VAC14: variants seen among roughly 807,000 people sequenced by gnomAD.
VAC14 encodes the protein protein VAC14 homolog.
Under a neutral mutation model 85.3 loss-of-function variants are expected in VAC14, and 47 were observed. That is an observed-to-expected ratio of 0.55 (90% confidence interval 0.44 to 0.70). VAC14 has a LOEUF of 0.70. Ranked by LOEUF, VAC14 falls within the 30% of genes least tolerant of loss-of-function variation. VAC14 has a pLI of 0.00. For synonymous variants in VAC14, 447 were observed against 430.5 expected, an observed-to-expected ratio of 1.04 and a Z score of -0.47; for missense variants, 861 against 1,004.3, an observed-to-expected ratio of 0.86 and a Z score of 1.93.
rs373314705 is a variant in VAC14 at position 70,784,100 on chromosome 16, G to A, written c.594+13C>T. On this transcript the variant is annotated intron_variant, in intron 5 of 18. Transcript: ENST00000261776. ...ACTGGAGGCTGGAGAAACGGTGTCC[G>A]GCCAGGCCTTACCCAGGAGATGATG... 8.1e-6 allele frequency: 13 copies of A among 1,610,428 alleles called. No individual in the cohort carries two copies. Among genetic ancestry groups the A allele is most frequent in the African/African-American group, 1.3e-5 (1 of 74,970 alleles).
chr16:70,716,030 G>A (rs1189827599), intron 14 of VAC14: 3 of 152,212 alleles, frequency 2.0e-5, no homozygotes, highest in Non-Finnish European at 4.4e-5. Flanking sequence ...TGAGGAGAGG[G>A]GAAAACTAGG....
intron 13 of VAC14, among the ~76,000 whole-genome samples, chr16:70,734,807 AC>A (rs1597905145): frequency 6.6e-6 from 1 of 150,910 alleles, no homozygotes; most frequent in Non-Finnish European, 1.5e-5. Flanking sequence ...AAAAAAAAAA[AC>A]ACTTGAAAAA....
Position 70,744,405 on chromosome 16 carries a change from C to G in VAC14, c.1528+18G>C. ...GCACTAAGGCCCCTGAGGCTAGAAC[C>G]TTCAGGAGAAGACTTACCAGAGGTG... On this transcript the variant is annotated intron_variant, in intron 13 of 18. Coordinates refer to ENST00000261776, the MANE Select transcript of VAC14 (RefSeq NM_018052.5). The G allele has an allele frequency of 6.2e-7, 1 of 1,613,906 alleles. No individual in the cohort carries two copies. The highest frequency in any genetic ancestry group is 8.5e-7 in the Non-Finnish European group (1 of 1,179,982).
In VAC14 at chr16:70,781,918, C is replaced by T. The variant is rs2033830048; in HGVS notation, c.897G>A (p.Gly299=). Residue 299 remains glycine (G), a synonymous_variant, in exon 8 of 19, where the codon GGG becomes GGA. Coordinates refer to ENST00000261776, the MANE Select transcript of VAC14 (RefSeq NM_018052.5). ...AGRVMLPYSS[G]ILTAVLPCLA... ...AGCAGGGCAAGACAGCAGTCAGGAT[C>T]CCGGAGGAGTAAGGCAGCATGACGC... 6.2e-7 allele frequency: 1 copy of T among 1,614,164 alleles called. No individual in the cohort carries two copies. The highest frequency in any genetic ancestry group is 2.2e-5 in the East Asian group (1 of 44,880).
chr16:70,761,341 G>A (rs2032367408), intron 12 of VAC14: 1 of 256,184 alleles, frequency 3.9e-6, no homozygotes, highest in Admixed American at 5.3e-5. Flanking sequence ...TTCACGAGCT[G>A]GCTGCCTCAT....
intron 14 of VAC14, among the ~76,000 whole-genome samples, chr16:70,723,999 C>T (rs149559594): frequency 6.6e-5 from 10 of 152,200 alleles, no homozygotes; most frequent in Non-Finnish European, 1.3e-4. Flanking sequence ...CACATGGCCA[C>T]CTCTTGCCAA....
rs1167860937 is a variant in VAC14, at chr16:70,772,142, A to C, written c.1127T>G (p.Phe376Cys). 5.0e-6 allele frequency: 8 copies of C among 1,614,152 alleles called. No homozygotes were observed. Among genetic ancestry groups the C allele is most frequent in the Non-Finnish European group, 6.8e-6 (8 of 1,180,034 alleles). ...GGPDGSCDSS[F>C]SSGISVFTAA... ...AGTGAAGACACTGATGCCGCTACTGAAGCTGGAGTCACAGGAACCATCTGG... is the reference window on the plus strand; with the variant it reads ...AGTGAAGACACTGATGCCGCTACTGCAGCTGGAGTCACAGGAACCATCTGG... The change falls in exon 10 of 19, where the codon TTC becomes TGC. Residue 376 changes from phenylalanine to cysteine, a missense_variant. Physicochemically the swap from Phe to Cys is radical, Grantham distance 205. Around this residue, in one of 3 missense-constraint regions of VAC14, gnomAD observed 629 missense variants for 703.1 expected, o/e 0.89. Transcript: ENST00000261776.
chr16:70,789,088 C>T (rs560788548), intron 1 of VAC14, among the ~76,000 whole-genome samples: 31 of 152,288 alleles, frequency 2.0e-4, no homozygotes, highest in African/African-American at 6.5e-4. Flanking sequence ...CAAGACTAAA[C>T]GCAGAATGTG....
At chr16:70,771,992 CA>C in intron 10 of VAC14, 116 bp downstream of exon 10, 3 of 938,628 alleles carry the variant, frequency 3.2e-6, no homozygotes, top group Non-Finnish European at 5.0e-6. Flanking sequence ...GAGGGTGTCC[CA>C]AAAGCAGCAG....
rs149791687 is a variant in VAC14, at chr16:70,777,944, T to G, written c.1096+2846A>C. Among the ~76,000 whole-genome samples, 822 of 152,364 alleles carry G rather than the reference T, an allele frequency of 5.4e-3. 3 individuals are homozygous for G. The highest frequency in any genetic ancestry group is 9.8e-3 in the Non-Finnish European group (668 of 68,040). ...TATCTGTCCTGCGGCTGGCAGGGAC[T>G]GTCTCCTGGGCACCTTGGTAAAAGA... On this transcript the variant is annotated intron_variant, in intron 9 of 18. Coordinates refer to ENST00000261776, the MANE Select transcript of VAC14 (RefSeq NM_018052.5).
chr16:70,704,035 C>T (rs2053877200), intron 14 of VAC14, among the ~76,000 whole-genome samples: 1 of 152,238 alleles, frequency 6.6e-6, no homozygotes, highest in African/African-American at 2.4e-5. Context: ...CACTGTCCCT[C>T]CCATCACTAA....
intron 15 of VAC14, 39 bp downstream of exon 15, chr16:70,698,598 C>G: frequency 6.2e-7 from 1 of 1,609,266 alleles, no homozygotes; most frequent in Non-Finnish European, 8.5e-7. Flanking sequence ...CCCTGGCATG[C>G]AGGAGACGCC....
intron 12 of VAC14, among the ~76,000 whole-genome samples, chr16:70,758,339 G>C (rs2032038940): frequency 6.6e-6 from 1 of 152,184 alleles, no homozygotes; most frequent in African/African-American, 2.4e-5. Context: ...CACAGGCCCA[G>C]GGAGGGTAAA....
rs139865573 is a variant in VAC14, at chr16:70,761,935, C to G, written c.1371+605G>C. On this transcript the variant is annotated intron_variant, in intron 12 of 18. Coordinates refer to ENST00000261776, the MANE Select transcript of VAC14 (RefSeq NM_018052.5). ...CCCTATGGTTACTGCCCTCATTGAA[C>G]AGAGGAAAACTGAGATGCTGAGATG... Among the ~76,000 whole-genome samples, 369 of 152,232 alleles carry G rather than the reference C, an allele frequency of 2.4e-3. 3 individuals carry two copies. Among genetic ancestry groups the G allele is most frequent in the Non-Finnish European group, 9.6e-4 (65 of 68,016 alleles).
chr16:70,700,564 G>C (rs947459557), intron 14 of VAC14, among the ~76,000 whole-genome samples: 5 of 152,224 alleles, frequency 3.3e-5, no homozygotes. Context: ...AGCCATGTAA[G>C]GCTAGTGTGT....
chr16:70,711,316 G>A (rs1243361611), intron 14 of VAC14, among the ~76,000 whole-genome samples: 1 of 152,146 alleles, frequency 6.6e-6, no homozygotes, highest in Non-Finnish European at 1.5e-5. Flanking sequence ...GAGGGAAGGA[G>A]GAGACTCTGG....
intron 14 of VAC14, among the ~76,000 whole-genome samples, chr16:70,705,287 C>T (rs969665466): frequency 8.5e-5 from 13 of 152,324 alleles, no homozygotes; most frequent in African/African-American, 2.9e-4. Context: ...GCATCTGACC[C>T]GTGGTGGGGG....
chr16:70,759,341 T>C (rs1048817262), intron 12 of VAC14, among the ~76,000 whole-genome samples: 1 of 152,156 alleles, frequency 6.6e-6, no homozygotes, highest in African/African-American at 2.4e-5. Context: ...AAAGTACACA[T>C]ACCAGCTGGG....
At chr16:70,731,158 G>T in intron 14 of VAC14, 1 of 507,878 alleles carries the variant, frequency 2.0e-6, no homozygotes, top group Non-Finnish European at 2.7e-6. Context: ...ACAGCCCCAT[G>T]TCCCACGCCA....
Sources: gnomAD v4.1 joint callset for allele counts (sites outside exome capture counted in the v4.1 genomes callset) on GRCh38, gnomAD v4.1.1 for gene constraint, gnomAD v4.1.1 regional missense constraint, MANE v1.5 for transcripts, NCBI Gene and HGNC (gene_info 2026-07-23, HGNC 2026-07-21) for gene names.